Variants in TAX1BP3 observed in about 807,000 individuals in gnomAD.
TAX1BP3 encodes the protein tax1-binding protein 3.
A neutral mutation model predicts 15.3 loss-of-function variants in TAX1BP3; 13 were observed. The observed-to-expected ratio is 0.85, with a 90% CI of 0.55 to 1.35. TAX1BP3 has a LOEUF of 1.35. Ranked by LOEUF, TAX1BP3 falls within the 40% of genes most tolerant of loss-of-function variation. The probability of loss-of-function intolerance (pLI) is 0.00; values close to 1 mark genes in which losing one functional copy is unlikely to be tolerated. For missense variants in TAX1BP3, 147 were observed against 169.6 expected (o/e 0.87, Z 0.74); for synonymous variants, 70 against 66.0 (o/e 1.06, Z -0.30).
At chr17:3,665,472 C>G in intron 1 of TAX1BP3, 1 of 1,395,740 alleles carries the variant, frequency 7.2e-7, no homozygotes, top group Admixed American at 1.7e-5. Context: ...GGGCAAGATT[C>G]TTGCCAAGAG....
chr17:3,668,558 C>G lies in TAX1BP3; in HGVS notation c.-32G>C. On this transcript the variant is annotated 5_prime_UTR_variant, in exon 1 of 4. Coordinates refer to ENST00000225525, the MANE Select transcript of TAX1BP3 (RefSeq NM_014604.4). This position sits in a 1 kb window ranked among gnomAD's most constrained non-coding sequence, Gnocchi z 4.1. Reference sequence around the variant, plus strand: ...CCTGCTCTGGTCGCCCAGCGCCGCTCCGAGAAGCCGGCAGCAGAGTACCCG... The same window carrying G: ...CCTGCTCTGGTCGCCCAGCGCCGCTGCGAGAAGCCGGCAGCAGAGTACCCG... The G allele has an allele frequency of 6.3e-7, 1 of 1,586,568 alleles. No homozygotes were observed. The highest frequency in any genetic ancestry group is 8.6e-7 in the Non-Finnish European group (1 of 1,168,436).
At chr17:3,666,010 C>A (rs577491349) in intron 1 of TAX1BP3, among the ~76,000 whole-genome samples, 19 of 152,320 alleles carry the variant, frequency 1.2e-4, no homozygotes, top group Non-Finnish European at 2.6e-4. Context: ...GGGGTGTTCC[C>A]ACCATGCTCT....
In TAX1BP3 at chr17:3,668,512, C is replaced by G. The variant is rs777302173; in HGVS notation, c.15G>C (p.Pro5=). The G allele has an allele frequency of 2.5e-6, 4 of 1,608,992 alleles. No homozygotes were observed. The highest frequency in any genetic ancestry group is 3.4e-6 in the Non-Finnish European group (4 of 1,178,540). MSYI[P]GQPVTAVVQR... ...CCACCACGGCGGTGACCGGCTGGCC[C>G]GGGATGTAGGACATCTCGACCCTGC... Residue 5 remains proline, a synonymous_variant, in exon 1 of 4, where the codon CCG becomes CCC. Coordinates refer to ENST00000225525, the MANE Select transcript of TAX1BP3 (RefSeq NM_014604.4). This position sits in a 1 kb window ranked among gnomAD's most constrained non-coding sequence, Gnocchi z 4.1.
rs201160126 is a variant in TAX1BP3, at chr17:3,664,702, A to T, written c.136T>A (p.Phe46Ile). 21 of 1,613,786 alleles carry T rather than the reference A, an allele frequency of 1.3e-5. No individual in the cohort carries two copies. In the Admixed American group the frequency reaches 2.2e-4, roughly 17 times the overall value. The change falls in exon 2 of 4, where the codon TTC becomes ATC. Residue 46 changes from phenylalanine to isoleucine, a missense_variant. Physicochemically the swap from Phe to Ile is conservative, Grantham distance 21. Coordinates refer to ENST00000225525, the MANE Select transcript of TAX1BP3 (RefSeq NM_014604.4). ...GIDQDPSQNPFSEDKTDKGIY... is the reference protein window; with the variant it reads ...GIDQDPSQNPISEDKTDKGIY... ...ACCTTGTCCGTCTTGTCTTCAGAGA[A>T]GGGATTCTGGGAAGGATCCTGGTCG...
chr17:3,665,515 C>T, intron 1 of TAX1BP3: 1 of 1,382,868 alleles, frequency 7.2e-7, no homozygotes, highest in African/African-American at 1.4e-5. Flanking sequence ...ATAAAGCACT[C>T]TAAGAGCCGA....
rs780281735 is a variant in TAX1BP3 at position 3,668,496 on chromosome 17, C to T, written c.31G>A (p.Ala11Thr). 1.9e-6 allele frequency: 3 copies of T among 1,609,986 alleles called. No individual in the cohort carries two copies. Among genetic ancestry groups the T allele is most frequent in the Non-Finnish European group, 8.5e-7 (1 of 1,178,784 alleles). The change falls in exon 1 of 4, where the codon GCC becomes ACC. Residue 11 changes from alanine (A) to threonine (T), a missense_variant. Physicochemically the swap from Ala to Thr is moderately conservative, Grantham distance 58. Coordinates refer to ENST00000225525, the MANE Select transcript of TAX1BP3 (RefSeq NM_014604.4). This position sits in a 1 kb window ranked among gnomAD's most constrained non-coding sequence, Gnocchi z 4.1. ...CGCGCAAGCGCACTCACCACCACGG[C>T]GGTGACCGGCTGGCCCGGGATGTAG... MSYIPGQPVT[A>T]VVQRVEIHKL...
chr17:3,668,438 C>A lies in TAX1BP3; in HGVS notation c.39+50G>T. 1 of 1,592,392 alleles carries A rather than the reference C, an allele frequency of 6.3e-7. No individual in the cohort carries two copies. Among genetic ancestry groups the A allele is most frequent in the Admixed American group, 1.7e-5 (1 of 57,638 alleles). ...CTTGGGGTGTCCGTTTCCCGCTCTGCGAGGTGGGGTCAGGCCAAGACGAGG... is the reference window on the plus strand; with the variant it reads ...CTTGGGGTGTCCGTTTCCCGCTCTGAGAGGTGGGGTCAGGCCAAGACGAGG... On this transcript the variant is annotated intron_variant, in intron 1 of 3. Transcript: ENST00000225525. This position sits in a 1 kb window ranked among gnomAD's most constrained non-coding sequence, Gnocchi z 4.1.
At chr17:3,663,943 G>A in intron 3 of TAX1BP3, 58 bp from the exon 4 acceptor site, 6 of 1,575,572 alleles carry the variant, frequency 3.8e-6, no homozygotes, top group Non-Finnish European at 5.2e-6. Flanking sequence ...GGATCTGGAA[G>A]CAGAGGGCTT....
intron 1 of TAX1BP3, chr17:3,665,600 A>G (rs1346697533): frequency 1.5e-6 from 2 of 1,315,452 alleles, no homozygotes; most frequent in Non-Finnish European, 1.1e-6. Context: ...CCTGGGTTCA[A>G]CTAAAGCACC....
chr17:3,666,676 A>T (rs1338971022), intron 1 of TAX1BP3, among the ~76,000 whole-genome samples: 1 of 152,156 alleles, frequency 6.6e-6, no homozygotes, highest in South Asian at 2.1e-4. Flanking sequence ...CCCATCCCCA[A>T]TCCAAGACTC....
chr17:3,664,194 C>T lies in TAX1BP3; in HGVS notation c.237+1G>A. The T allele has an allele frequency of 6.2e-7, 1 of 1,614,136 alleles. No homozygotes were observed. The highest frequency in any genetic ancestry group is 8.5e-7 in the Non-Finnish European group (1 of 1,180,032). On this transcript the variant is annotated splice_donor_variant, in intron 3 of 3. Coordinates refer to ENST00000225525, the MANE Select transcript of TAX1BP3 (RefSeq NM_014604.4). LOFTEE classifies it high-confidence loss of function. The stretch of plus-strand genomic sequence containing the variant: ...TTCTCCTCCTTTGGGACACCTGTTA[C>T]CTGCATGATCTTGTCTCCAATCTGC...
chr17:3,664,333 C>T (rs2076314783), intron 2 of TAX1BP3, 61 bp from the exon 3 acceptor site: 19 of 1,589,134 alleles, frequency 1.2e-5, no homozygotes, highest in South Asian at 4.4e-5. Flanking sequence ...TATCACACAG[C>T]GGAAGCCAGC....
intron 1 of TAX1BP3, among the ~76,000 whole-genome samples, chr17:3,665,866 G>T (rs865951895): frequency 2.6e-5 from 4 of 152,200 alleles, no homozygotes; most frequent in Admixed American, 6.5e-5. Flanking sequence ...CACAGAACTG[G>T]GAGGCGAGAT....
rs1186975312 is a variant in TAX1BP3, at chr17:3,668,446, G to C, written c.39+42C>G. 6.2e-7 allele frequency: 1 copy of C among 1,602,482 alleles called. No homozygotes were observed. Among genetic ancestry groups the C allele is most frequent in the Admixed American group, 1.7e-5 (1 of 58,912 alleles). Reference sequence around the variant, plus strand: ...GTCCGTTTCCCGCTCTGCGAGGTGGGGTCAGGCCAAGACGAGGAGGAGCCC... The same window carrying C: ...GTCCGTTTCCCGCTCTGCGAGGTGGCGTCAGGCCAAGACGAGGAGGAGCCC... On this transcript the variant is annotated intron_variant, in intron 1 of 3. Coordinates refer to ENST00000225525, the MANE Select transcript of TAX1BP3 (RefSeq NM_014604.4). The surrounding 1 kb of genome is among the most constrained non-coding windows in gnomAD (Gnocchi z 4.1).
chr17:3,664,519 C>A, intron 2 of TAX1BP3, 160 bp downstream of exon 2: 1 of 1,125,066 alleles, frequency 8.9e-7, no homozygotes, highest in Non-Finnish European at 1.3e-6. Flanking sequence ...TTCCTCACCC[C>A]ACCCGTCCTT....
At chr17:3,667,340 CAAA>C (rs761986087) in intron 1 of TAX1BP3, among the ~76,000 whole-genome samples, 2 of 61,162 alleles carry the variant, frequency 3.3e-5, no homozygotes, top group Admixed American at 1.9e-4. Context: ...AAGACTGTCT[CAAA>C]AAAAAAAAAA....
chr17:3,668,547 C>A lies in TAX1BP3; in HGVS notation c.-21G>T, dbSNP rs1423469457. 6.3e-7 allele frequency: 1 copy of A among 1,596,260 alleles called. No individual in the cohort carries two copies. The highest frequency in any genetic ancestry group is 1.1e-5 in the South Asian group (1 of 88,644). ...GACATCTCGACCCTGCTCTGGTCGC[C>A]CAGCGCCGCTCCGAGAAGCCGGCAG... On this transcript the variant is annotated 5_prime_UTR_variant, in exon 1 of 4. Transcript: ENST00000225525. This position sits in a 1 kb window ranked among gnomAD's most constrained non-coding sequence, Gnocchi z 4.1.
At chr17:3,664,397 T>C in intron 2 of TAX1BP3, 125 bp from the exon 3 acceptor site, 1 of 1,182,110 alleles carries the variant, frequency 8.5e-7, no homozygotes, top group Non-Finnish European at 1.2e-6. Flanking sequence ...TCCCAGCACA[T>C]ATGGTCAGTG....
intron 2 of TAX1BP3, 162 bp from the exon 3 acceptor site, chr17:3,664,434 G>C: frequency 1.0e-6 from 1 of 990,522 alleles, no homozygotes; most frequent in South Asian, 1.5e-5. Context: ...AGCCGGGGCA[G>C]AGTTGCTGCA....
Sources: gnomAD v4.1 joint callset for allele counts (sites outside exome capture counted in the v4.1 genomes callset) on GRCh38, gnomAD v4.1.1 for gene constraint, Gnocchi (gnomAD v3.1) non-coding constraint, MANE v1.5 for transcripts, NCBI Gene and HGNC (gene_info 2026-07-23, HGNC 2026-07-21) for gene names.